The following SEMA5A variants were observed in gnomAD, a reference collection of about 807,000 sequenced individuals.
SEMA5A encodes the protein semaphorin 5A, also known as semaphorin-5A.
A neutral mutation model predicts 135.5 loss-of-function variants in SEMA5A; 55 were observed. The observed-to-expected ratio is 0.41, with a 90% CI of 0.33 to 0.51. SEMA5A has a LOEUF of 0.51. Among genes scored for constraint, SEMA5A ranks in the 20% least tolerant of loss-of-function variants. The pLI is 0.37. For synonymous variants in SEMA5A, 580 were observed against 546.5 expected, an observed-to-expected ratio of 1.06 and a Z score of -0.85; for missense variants, 1,290 against 1,419.9, an observed-to-expected ratio of 0.91 and a Z score of 1.47.
intron 16 of SEMA5A, among the ~76,000 whole-genome samples, chr5:9,090,029 A>T (rs1738945294): frequency 6.6e-6 from 1 of 152,188 alleles, no homozygotes; most frequent in African/African-American, 2.4e-5. Flanking sequence ...ATATGTGTGT[A>T]TACATGTGTA....
In SEMA5A at chr5:9,353,354, G is replaced by GGGAAGGAAAGGAAAGGAAAGGA. The variant is rs1754288041; in HGVS notation, c.125-15543_125-15542insTCCTTTCCTTTCCTTTCCTTCC. Among the ~76,000 whole-genome samples the GGGAAGGAAAGGAAAGGAAAGGA allele has an allele frequency of 1.5e-3, 80 of 54,402 alleles. 6 individuals are homozygous for GGGAAGGAAAGGAAAGGAAAGGA. Among genetic ancestry groups the GGGAAGGAAAGGAAAGGAAAGGA allele is most frequent in the South Asian group, 0.013 (16 of 1,224 alleles). The allele number at this position is 54,402 out of a possible 152,430, so 35.7% of individuals were successfully genotyped here. ...AAAGGAAATGAAAGGAAAGGAAAGG[G>GGGAAGGAAAGGAAAGGAAAGGA]AAGGAAAGGAAAGGAAAGGAAAGGA... On this transcript the variant is annotated intron_variant, in intron 3 of 22. Transcript: ENST00000382496.
At chr5:9,432,741 G>A (rs376765559) in intron 2 of SEMA5A, among the ~76,000 whole-genome samples, 5 of 152,072 alleles carry the variant, frequency 3.3e-5, no homozygotes, top group East Asian at 1.9e-4. Context: ...CTGCACAAAC[G>A]AGGACATCTT....
intron 3 of SEMA5A, among the ~76,000 whole-genome samples, chr5:9,357,866 T>A (rs1001046272): frequency 1.3e-5 from 2 of 152,236 alleles, no homozygotes; most frequent in Admixed American, 1.3e-4. Context: ...ACAGTATGGA[T>A]GAATAACTAT....
chr5:9,259,731 G>A (rs532725799), intron 5 of SEMA5A, among the ~76,000 whole-genome samples: 248 of 124,396 alleles, frequency 2.0e-3, no homozygotes, highest in Middle Eastern at 3.9e-3. Context: ...TCTCTGGGAC[G>A]CATTCAAAGC....
chr5:9,518,991 G>A (rs929362647), intron 1 of SEMA5A, among the ~76,000 whole-genome samples: 14 of 151,792 alleles, frequency 9.2e-5, no homozygotes, highest in African/African-American at 3.1e-4. Flanking sequence ...ATCACTATCA[G>A]GGTTAAATTA....
intron 5 of SEMA5A, among the ~76,000 whole-genome samples, chr5:9,297,175 T>TATACATATGTATATACAC (rs562388224): frequency 0.01 from 1,564 of 151,852 alleles, 26 homozygotes; most frequent in African/African-American, 0.036. Context: ...TATATATACA[T>TATACATATGTATATACAC]ATACATATGT....
chr5:9,342,939 C>G (rs547002198), intron 3 of SEMA5A, among the ~76,000 whole-genome samples: 1 of 152,260 alleles, frequency 6.6e-6, no homozygotes, highest in Admixed American at 6.5e-5. Flanking sequence ...TAAAATTTAG[C>G]TTCCTATACA....
chr5:9,431,959 A>T (rs1207008148), intron 2 of SEMA5A, among the ~76,000 whole-genome samples: 2 of 152,236 alleles, frequency 1.3e-5, no homozygotes, highest in Non-Finnish European at 2.9e-5. Context: ...GGTGACCTTC[A>T]GGAAGATAAC....
intron 5 of SEMA5A, among the ~76,000 whole-genome samples, chr5:9,297,654 A>G (rs1485396815): frequency 1.3e-5 from 2 of 152,124 alleles, no homozygotes; most frequent in Non-Finnish European, 2.9e-5. Context: ...TCCCAGGCTC[A>G]AATGATCCTC....
chr5:9,370,836 C>T (rs949072648), intron 3 of SEMA5A, among the ~76,000 whole-genome samples: 4 of 152,116 alleles, frequency 2.6e-5, no homozygotes, highest in African/African-American at 9.7e-5. Flanking sequence ...AAAGATACTG[C>T]CTAATTAAAA....
At chr5:9,090,358 A>C (rs925525438) in intron 16 of SEMA5A, among the ~76,000 whole-genome samples, 1 of 152,232 alleles carries the variant, frequency 6.6e-6, no homozygotes, top group Non-Finnish European at 1.5e-5. Context: ...TCCTCGCTTT[A>C]AAACGAACTT....
intron 6 of SEMA5A, 88 bp from the exon 7 acceptor site, chr5:9,227,055 G>C (rs1747355402): frequency 1.8e-6 from 1 of 568,452 alleles, no homozygotes; most frequent in Non-Finnish European, 2.6e-6. Context: ...CAAGAAGAAT[G>C]GTGAGAAGGA....
intron 1 of SEMA5A, among the ~76,000 whole-genome samples, chr5:9,526,519 A>C (rs1561323089): frequency 6.6e-6 from 1 of 152,212 alleles, no homozygotes; most frequent in Non-Finnish European, 1.5e-5. Flanking sequence ...AGAATTATCT[A>C]CTTAGAGAGA....
chr5:9,208,987 A>G (rs1252883090), intron 8 of SEMA5A, among the ~76,000 whole-genome samples: 2 of 152,202 alleles, frequency 1.3e-5, no homozygotes, highest in East Asian at 3.9e-4. Context: ...CAGTTCTAGC[A>G]CATTTGATTC....
chr5:9,115,222 C>T (rs1433387985), intron 15 of SEMA5A, among the ~76,000 whole-genome samples: 2 of 152,174 alleles, frequency 1.3e-5, no homozygotes, highest in Admixed American at 1.3e-4. Context: ...AAACCCTGCA[C>T]ATTCTACTGA....
chr5:9,275,949 A>C (rs1750239381), intron 5 of SEMA5A, among the ~76,000 whole-genome samples: 2 of 152,228 alleles, frequency 1.3e-5, no homozygotes, highest in African/African-American at 4.8e-5. Context: ...TAATATTGGA[A>C]GTTCTGGCCA....
chr5:9,085,920 C>A (rs189859286), intron 16 of SEMA5A, among the ~76,000 whole-genome samples: 1 of 152,222 alleles, frequency 6.6e-6, no homozygotes, highest in African/African-American at 2.4e-5. Flanking sequence ...CCATGGAAAC[C>A]CACCTCTTGC....
At chr5:9,352,379 G>A (rs565683527) in intron 3 of SEMA5A, among the ~76,000 whole-genome samples, 6 of 151,582 alleles carry the variant, frequency 4.0e-5, no homozygotes, top group East Asian at 1.9e-4. Context: ...GCTAGCTATC[G>A]TCTATCTATC....
At chr5:9,164,652 T>C (rs1743507233) in intron 11 of SEMA5A, among the ~76,000 whole-genome samples, 1 of 152,174 alleles carries the variant, frequency 6.6e-6, no homozygotes, top group Non-Finnish European at 1.5e-5. Flanking sequence ...ATCAACAATA[T>C]GTAATAATTC....
Sources: gnomAD v4.1 joint callset for allele counts (sites outside exome capture counted in the v4.1 genomes callset) on GRCh38, gnomAD v4.1.1 for gene constraint, MANE v1.5 for transcripts, NCBI Gene and HGNC (gene_info 2026-07-23, HGNC 2026-07-21) for gene names.